CAP2: variants seen among roughly 807,000 people sequenced by gnomAD.
CAP2 encodes the protein adenylyl cyclase-associated protein 2.
In CAP2, 24 loss-of-function variants were observed where a neutral mutation model predicts 57.7. The ratio of observed to expected loss-of-function variants is 0.42; its 90% CI spans 0.30 to 0.58. The LOEUF is 0.58. Ranked by LOEUF, CAP2 falls within the 20% of genes least tolerant of loss-of-function variation. The pLI, the probability that CAP2 is intolerant of heterozygous loss-of-function variation, is 0.22. For missense variants in CAP2, 501 were observed against 590.3 expected (o/e 0.85, Z 1.57); for synonymous variants, 194 against 207.2 (o/e 0.94, Z 0.55).
chr6:17,476,660 A>G (rs1025050951), intron 4 of CAP2, among the ~76,000 whole-genome samples: 2 of 152,162 alleles, frequency 1.3e-5, no homozygotes, highest in African/African-American at 4.8e-5. Flanking sequence ...TTGTTCTGCC[A>G]TCTCCCAAGG....
Position 17,478,184 on chromosome 6 carries a change from G to A in CAP2, c.300+15111G>A, listed in dbSNP as rs921710232. Among the ~76,000 whole-genome samples, 8 of 151,272 alleles carry A rather than the reference G, an allele frequency of 5.3e-5. 1 individual carries two copies. Among genetic ancestry groups the A allele is most frequent in the Middle Eastern group, 6.4e-3 (2 of 312 alleles). On this transcript the variant is annotated intron_variant, in intron 4 of 12. Transcript: ENST00000229922. ...AGGTCTTGCTCTGTTACCCAAGCTG[G>A]AGTGCAGTAGCGTGATCTTAGCTAA...
intron 3 of CAP2, among the ~76,000 whole-genome samples, chr6:17,433,125 G>C (rs1381212259): frequency 1.3e-5 from 2 of 152,112 alleles, no homozygotes; most frequent in Non-Finnish European, 1.5e-5. Context: ...CAGAGTCTCT[G>C]TCTGTCACCT....
intron 11 of CAP2, among the ~76,000 whole-genome samples, chr6:17,545,982 G>A (rs545622153): frequency 1.6e-4 from 24 of 152,258 alleles, no homozygotes; most frequent in Admixed American, 2.6e-4. Flanking sequence ...TTGCTATTGC[G>A]AATAGTGCCG....
At chr6:17,489,447 C>T (rs757354127) in intron 4 of CAP2, among the ~76,000 whole-genome samples, 2 of 151,994 alleles carry the variant, frequency 1.3e-5, no homozygotes, top group Non-Finnish European at 2.9e-5. Flanking sequence ...ACAAACAAAA[C>T]AAAAGAAAAA....
intron 3 of CAP2, among the ~76,000 whole-genome samples, chr6:17,438,011 C>T (rs73369418): frequency 0.012 from 1,785 of 152,222 alleles, 46 homozygotes; most frequent in African/African-American, 0.041. Flanking sequence ...GGATATTAGC[C>T]TCTGTCTGTG....
intron 7 of CAP2, chr6:17,531,231 T>C: frequency 1.3e-6 from 1 of 781,352 alleles, no homozygotes; most frequent in Non-Finnish European, 2.3e-6. Flanking sequence ...AGTGTATGGC[T>C]CTACAATCCT....
intron 4 of CAP2, among the ~76,000 whole-genome samples, chr6:17,479,646 T>C (rs898615767): frequency 1.3e-5 from 2 of 149,038 alleles, no homozygotes; most frequent in African/African-American, 5.0e-5. Flanking sequence ...GAGTCTCACT[T>C]TGTCGCCCAG....
rs897022215 is a variant in CAP2, at chr6:17,404,940, A to G, written c.-2+11194A>G. Among the ~76,000 whole-genome samples, 4 of 152,108 alleles carry G rather than the reference A, an allele frequency of 2.6e-5. No homozygotes were observed. The East Asian group carries it at 7.7e-4, about 29-fold the overall frequency. On this transcript the variant is annotated intron_variant, in intron 1 of 12. Transcript: ENST00000229922. ...TCACCAGAAGGTATTGTATGAGTGT[A>G]TATGTATAACAGACAGACAGCACTA... is the stretch of plus-strand genomic sequence containing the variant.
rs754558500 is a variant in CAP2 at position 17,463,071 on chromosome 6, G to C, written c.298G>C (p.Glu100Gln). 2 of 1,609,988 alleles carry C rather than the reference G, an allele frequency of 1.2e-6. No homozygotes were observed. Among genetic ancestry groups the C allele is most frequent in the Non-Finnish European group, 1.7e-6 (2 of 1,176,338 alleles). ...LMASQYQQPHENDVAALLKPI... is the reference protein window; with the variant it reads ...LMASQYQQPHQNDVAALLKPI... ...GGCCTCTCAGTACCAACAACCCCAC[G>C]AGGTAAGAGAGTGTCCTGAGAGGGA... The change falls in exon 4 of 13, where the codon GAG becomes CAG. Residue 100 changes from glutamate to glutamine, a missense_variant and splice_region_variant. Physicochemically the swap from Glu to Gln is conservative, Grantham distance 29. Coordinates refer to ENST00000229922, the MANE Select transcript of CAP2 (RefSeq NM_006366.3).
At chr6:17,438,848 C>T (rs1410615227) in intron 3 of CAP2, among the ~76,000 whole-genome samples, 1 of 149,830 alleles carries the variant, frequency 6.7e-6, no homozygotes, top group African/African-American at 2.5e-5. Context: ...CGCGGTGGCT[C>T]ACGCCTATAA....
chr6:17,529,207 A>T (rs1206970639), intron 7 of CAP2, among the ~76,000 whole-genome samples: 1 of 152,202 alleles, frequency 6.6e-6, no homozygotes, highest in Non-Finnish European at 1.5e-5. Flanking sequence ...CTTCTAATAA[A>T]AGTGTGCTAT....
chr6:17,422,962 T>C (rs999308513), intron 2 of CAP2, among the ~76,000 whole-genome samples: 2 of 152,234 alleles, frequency 1.3e-5, no homozygotes, highest in African/African-American at 2.4e-5. Context: ...CTGCGTGTTA[T>C]GCACCTACAG....
intron 1 of CAP2, among the ~76,000 whole-genome samples, chr6:17,411,453 T>C (rs1480819057): frequency 1.3e-5 from 2 of 152,208 alleles, no homozygotes; most frequent in Admixed American, 6.5e-5. Flanking sequence ...ACCAGCACTT[T>C]TTATTATCTG....
Position 17,481,209 on chromosome 6 carries a change from A to G in CAP2, c.300+18136A>G, listed in dbSNP as rs1761280210. Among the ~76,000 whole-genome samples the G allele has an allele frequency of 2.0e-5, 3 of 151,940 alleles. No homozygotes were observed. In the South Asian group the frequency reaches 6.2e-4, roughly 31 times the overall value. On this transcript the variant is annotated intron_variant, in intron 4 of 12. Coordinates refer to ENST00000229922, the MANE Select transcript of CAP2 (RefSeq NM_006366.3). ...GTTCACATGTGCTTTTTGATATGTT[A>G]TTTGTCCTGAAGCCCAAGTAAATGT...
At chr6:17,526,299 G>A (rs1021272249) in intron 7 of CAP2, among the ~76,000 whole-genome samples, 2 of 151,826 alleles carry the variant, frequency 1.3e-5, no homozygotes, top group Admixed American at 6.6e-5. Context: ...TGTATTTTTA[G>A]TAGAGACAGC....
At chr6:17,406,415 A>ATTTTTTTTTTTTTTTTTTTTTTTT in intron 1 of CAP2, among the ~76,000 whole-genome samples, 1 of 62,070 alleles carries the variant, frequency 1.6e-5, no homozygotes, top group African/African-American at 1.3e-4. Context: ...TTTTTTTTTG[A>ATTTTTTTTTTTTTTTTTTTTTTTT]GGCAGTCTCA....
chr6:17,427,819 G>A (rs1759631217), intron 3 of CAP2, among the ~76,000 whole-genome samples: 1 of 152,200 alleles, frequency 6.6e-6, no homozygotes, highest in Non-Finnish European at 1.5e-5. Context: ...CCTTGAAAAG[G>A]AAGGAAATGC....
At chr6:17,522,643 T>C (rs1762418466) in intron 7 of CAP2, among the ~76,000 whole-genome samples, 1 of 152,166 alleles carries the variant, frequency 6.6e-6, no homozygotes, top group South Asian at 2.1e-4. Flanking sequence ...CAATGTACTT[T>C]GAGAGAAAGG....
At chr6:17,451,065 T>C (rs1287609645) in intron 3 of CAP2, among the ~76,000 whole-genome samples, 12 of 152,142 alleles carry the variant, frequency 7.9e-5, no homozygotes, top group Admixed American at 7.9e-4. Context: ...CGTTTTATTG[T>C]GCACACATGG....
Sources: gnomAD v4.1 joint callset for allele counts (sites outside exome capture counted in the v4.1 genomes callset) on GRCh38, gnomAD v4.1.1 for gene constraint, MANE v1.5 for transcripts, NCBI Gene and HGNC (gene_info 2026-07-23, HGNC 2026-07-21) for gene names.